Variants in ADCY9 observed in about 807,000 individuals in gnomAD.
ADCY9 encodes adenylate cyclase 9.
ADCY9 carries 50 observed loss-of-function variants against 101.5 expected under a neutral mutation model. The ratio of observed to expected loss-of-function variants is 0.49; its 90% CI spans 0.39 to 0.62. The LOEUF is 0.62. Ranked by LOEUF, ADCY9 falls within the 20% of genes least tolerant of loss-of-function variation. The pLI is 0.00. For missense variants in ADCY9, 1,662 were observed against 1,800.4 expected (o/e 0.92, Z 1.39); for synonymous variants, 905 against 769.3 (o/e 1.18, Z -2.92).
rs1236220847 is a variant in ADCY9, at chr16:3,983,356, G to A, written c.2395C>T (p.Leu799=). 2 of 1,602,322 alleles carry A rather than the reference G, an allele frequency of 1.2e-6. No individual in the cohort carries two copies. Among genetic ancestry groups the A allele is most frequent in the East Asian group, 2.3e-5 (1 of 44,266 alleles). ...LDVFLSTTVF[L]TLSTTCFLKY... is the part of the protein sequence containing the mutation. Reference sequence around the variant, plus strand: ...AGGAAGCAGGTGGTGGACAGCGTCAGAAACACTGTGGTCGACAGAAACACA... The same window carrying A: ...AGGAAGCAGGTGGTGGACAGCGTCAAAAACACTGTGGTCGACAGAAACACA... The change falls in exon 7 of 11, where the codon CTG becomes TTG. Residue 799 remains leucine, a synonymous_variant. Transcript: ENST00000294016.
chr16:3,955,872 TAA>T (rs35919408), intron 5 of ADCY9, among the ~76,000 whole-genome samples: 1 of 150,662 alleles, frequency 6.6e-6, no homozygotes, highest in African/African-American at 2.4e-5. Context: ...TTTTAAAGCT[TAA>T]AAAAAATGTT....
intron 2 of ADCY9, among the ~76,000 whole-genome samples, chr16:4,104,357 T>C (rs2057062613): frequency 6.6e-6 from 1 of 152,144 alleles, no homozygotes; most frequent in African/African-American, 2.4e-5. Flanking sequence ...CACACCTGGG[T>C]AAAAACCCAA....
At chr16:4,055,148 A>C (rs967399125) in intron 2 of ADCY9, among the ~76,000 whole-genome samples, 2 of 152,176 alleles carry the variant, frequency 1.3e-5, no homozygotes, top group Admixed American at 1.3e-4. Context: ...GGTAGCCAAC[A>C]GCAGAGCCAT....
At chr16:4,069,096 G>A (rs1446028279) in intron 2 of ADCY9, among the ~76,000 whole-genome samples, 1 of 152,102 alleles carries the variant, frequency 6.6e-6, no homozygotes, top group South Asian at 2.1e-4. Context: ...AAATTCTGAA[G>A]ATATGCAAAA....
intron 2 of ADCY9, among the ~76,000 whole-genome samples, chr16:4,088,834 T>C (rs1442072162): frequency 6.6e-6 from 1 of 152,074 alleles, no homozygotes; most frequent in Non-Finnish European, 1.5e-5. Flanking sequence ...AGAATTCATA[T>C]ACTGTGTAAT....
intron 3 of ADCY9, among the ~76,000 whole-genome samples, 196 bp downstream of exon 3, chr16:4,007,172 A>G (rs1190421939): frequency 6.6e-6 from 1 of 152,212 alleles, no homozygotes; most frequent in East Asian, 1.9e-4. Flanking sequence ...GAGGTGCGTC[A>G]TATGTCAAAA....
intron 7 of ADCY9, among the ~76,000 whole-genome samples, chr16:3,980,626 G>A (rs974691154): frequency 3.9e-5 from 6 of 152,208 alleles, no homozygotes; most frequent in South Asian, 2.1e-4. Flanking sequence ...GTGGCCAGGC[G>A]AGGGAACGCT....
At chr16:3,967,402 CCTTT>C (rs2056008984) in intron 10 of ADCY9, among the ~76,000 whole-genome samples, 1 of 151,286 alleles carries the variant, frequency 6.6e-6, no homozygotes, top group South Asian at 2.1e-4. Context: ...TTCTCTCTCT[CCTTT>C]GTTTTTTTAG....
At chr16:4,063,348 C>T (rs2056783132) in intron 2 of ADCY9, among the ~76,000 whole-genome samples, 1 of 151,526 alleles carries the variant, frequency 6.6e-6, no homozygotes, top group South Asian at 2.1e-4. Flanking sequence ...ATGAGAAGTA[C>T]TTAGGGAGAA....
Position 3,983,352 on chromosome 16 carries a change from G to A in ADCY9, c.2399C>T (p.Thr800Met), listed in dbSNP as rs753842503. 1.2e-5 allele frequency: 19 copies of A among 1,600,404 alleles called. No individual in the cohort carries two copies. The highest frequency in any genetic ancestry group is 1.4e-5 in the Non-Finnish European group (17 of 1,173,332). ...DVFLSTTVFL[T>M]LSTTCFLKYE... The stretch of plus-strand genomic sequence containing the variant: ...CTTCAGGAAGCAGGTGGTGGACAGC[G>A]TCAGAAACACTGTGGTCGACAGAAA... Residue 800 changes from threonine to methionine, a missense_variant, in exon 7 of 11, where the codon ACG (threonine) becomes ATG (methionine). This residue lies in a region of ADCY9 where 624 missense variants were observed against 639.1 expected (regional missense o/e 0.98). Coordinates refer to ENST00000294016, the MANE Select transcript of ADCY9 (RefSeq NM_001116.4).
At chr16:4,021,055 T>C (rs2056473122) in intron 2 of ADCY9, among the ~76,000 whole-genome samples, 1 of 152,188 alleles carries the variant, frequency 6.6e-6, no homozygotes, top group East Asian at 1.9e-4. Context: ...TAAATGTGAA[T>C]ATTTAGAAGA....
At chr16:4,097,453 CATAT>C (rs71394653) in intron 2 of ADCY9, among the ~76,000 whole-genome samples, 959 of 71,020 alleles carry the variant, frequency 0.014, 29 homozygotes, top group African/African-American at 0.047. Context: ...TGTGGAGTTA[CATAT>C]ATATATATAT....
intron 2 of ADCY9, among the ~76,000 whole-genome samples, chr16:4,097,541 ATATATATATATATTTT>A (rs1249909885): frequency 4.1e-5 from 2 of 48,236 alleles, no homozygotes; most frequent in Admixed American, 4.0e-4. Flanking sequence ...ATATATATAT[ATATATATATATATTTT>A]TTTTTTTTTT....
intron 3 of ADCY9, among the ~76,000 whole-genome samples, chr16:3,994,789 A>G (rs545653551): frequency 6.6e-6 from 1 of 152,298 alleles, no homozygotes; most frequent in South Asian, 2.1e-4. Flanking sequence ...TGTGAATTAT[A>G]TCTCAACAAA....
At chr16:3,980,205 A>G (rs990317291) in intron 7 of ADCY9, among the ~76,000 whole-genome samples, 16 of 152,272 alleles carry the variant, frequency 1.1e-4, no homozygotes, top group Admixed American at 1.3e-4. Flanking sequence ...CCTTCTAAGC[A>G]GAGCGACTGT....
chr16:3,956,885 A>C (rs1194497513), intron 5 of ADCY9, among the ~76,000 whole-genome samples: 1 of 152,224 alleles, frequency 6.6e-6, no homozygotes, highest in South Asian at 2.1e-4. Flanking sequence ...CTCTGTAGAC[A>C]CCGAGTTGAG....
At chr16:4,087,849 TC>T (rs2056949344) in intron 2 of ADCY9, among the ~76,000 whole-genome samples, 2 of 151,374 alleles carry the variant, frequency 1.3e-5, no homozygotes, top group East Asian at 3.9e-4. Context: ...TCCTTCTTTC[TC>T]TTTTCTTTGT....
intron 2 of ADCY9, among the ~76,000 whole-genome samples, chr16:4,082,382 A>G (rs1483285144): frequency 1.3e-5 from 2 of 151,952 alleles, no homozygotes; most frequent in Non-Finnish European, 2.9e-5. Flanking sequence ...GTCTCAAAAG[A>G]AAAAAAACAA....
chr16:4,097,549 A>ATT (rs71394654), intron 2 of ADCY9, among the ~76,000 whole-genome samples: 1,481 of 48,028 alleles, frequency 0.031, 48 homozygotes, highest in Non-Finnish European at 0.046. Context: ...ATATATATAT[A>ATT]TATATTTTTT....
Sources: gnomAD v4.1 joint callset for allele counts (sites outside exome capture counted in the v4.1 genomes callset) on GRCh38, gnomAD v4.1.1 for gene constraint, gnomAD v4.1.1 regional missense constraint, MANE v1.5 for transcripts, NCBI Gene and HGNC (gene_info 2026-07-23, HGNC 2026-07-21) for gene names.